The following NALF1 variants were observed in gnomAD, a reference collection of about 807,000 sequenced individuals.
The protein encoded by NALF1 is NALCN channel auxiliary factor 1.
NALF1 carries 3 observed loss-of-function variants against 48.4 expected under a neutral mutation model. That is an observed-to-expected ratio of 0.06 (90% CI 0.03 to 0.16). NALF1 has a LOEUF of 0.16. Ranked by LOEUF, NALF1 falls within the 10% of genes least tolerant of loss-of-function variation. NALF1 has a pLI of 1.00. For missense variants in NALF1, 526 were observed against 571.5 expected (o/e 0.92, Z 0.81); for synonymous variants, 262 against 245.7 (o/e 1.07, Z -0.62).
At chr13:107,769,826 G>A (rs1877527031) in intron 1 of NALF1, among the ~76,000 whole-genome samples, 1 of 152,106 alleles carries the variant, frequency 6.6e-6, no homozygotes, top group African/African-American at 2.4e-5. Flanking sequence ...AAGTATAATG[G>A]GTTACCATCA....
At chr13:107,710,289 C>G (rs1397703218) in intron 1 of NALF1, among the ~76,000 whole-genome samples, 1 of 151,976 alleles carries the variant, frequency 6.6e-6, no homozygotes, top group Admixed American at 6.6e-5. Context: ...CAACAATTGC[C>G]CATTAGATAA....
chr13:107,314,347 T>C (rs1439604939), intron 1 of NALF1, among the ~76,000 whole-genome samples: 3 of 152,144 alleles, frequency 2.0e-5, no homozygotes, highest in African/African-American at 7.2e-5. Context: ...TTCCTTGCCT[T>C]AGGATACTGT....
chr13:107,582,597 A>T (rs548594961), intron 1 of NALF1, among the ~76,000 whole-genome samples: 6 of 152,280 alleles, frequency 3.9e-5, no homozygotes, highest in Admixed American at 3.9e-4. Context: ...TTTAAAGAAG[A>T]TTGTTTCAAC....
intron 1 of NALF1, among the ~76,000 whole-genome samples, chr13:107,510,908 AAAT>A (rs1206137305): frequency 1.3e-5 from 2 of 152,060 alleles, no homozygotes; most frequent in Non-Finnish European, 2.9e-5. Context: ...CTCTCCTTCT[AAAT>A]AAGATTTATT....
At chr13:107,392,744 G>A (rs1294463333) in intron 1 of NALF1, among the ~76,000 whole-genome samples, 17 of 152,178 alleles carry the variant, frequency 1.1e-4, no homozygotes, top group Admixed American at 6.6e-4. Context: ...GGGTCTTTCC[G>A]CCCTCTTACA....
rs78930267 is a variant in NALF1 at position 107,723,437 on chromosome 13, CAT to C, written c.915+142243_915+142244del. Among the ~76,000 whole-genome samples the C allele has an allele frequency of 0.027, 4,080 of 152,192 alleles. 302 individuals carry two copies. The East Asian group carries it at 0.3, about 11-fold the overall frequency. Reference sequence around the variant, plus strand: ...ATCACCCAATTCATACACACACACACATACGGTATACACACACATTTTTATTC... The same window carrying C: ...ATCACCCAATTCATACACACACACACACGGTATACACACACATTTTTATTC... On this transcript the variant is annotated intron_variant, in intron 1 of 2. Coordinates refer to ENST00000375915, the MANE Select transcript of NALF1 (RefSeq NM_001080396.3).
intron 1 of NALF1, among the ~76,000 whole-genome samples, chr13:107,639,932 T>A (rs531287771): frequency 6.6e-6 from 1 of 152,326 alleles, no homozygotes; most frequent in African/African-American, 2.4e-5. Context: ...TATACAAATA[T>A]TTGAGAATTA....
At chr13:107,480,662 C>T (rs1452896028) in intron 1 of NALF1, among the ~76,000 whole-genome samples, 1 of 152,112 alleles carries the variant, frequency 6.6e-6, no homozygotes, top group African/African-American at 2.4e-5. Flanking sequence ...TCAAATCTGT[C>T]CTGGGATACA....
intron 1 of NALF1, among the ~76,000 whole-genome samples, chr13:107,572,079 T>A (rs1033859389): frequency 1.3e-5 from 2 of 152,142 alleles, no homozygotes; most frequent in African/African-American, 4.8e-5. Flanking sequence ...TACACAAAAA[T>A]CTATAATTCA....
chr13:107,410,597 C>T lies in NALF1; in HGVS notation c.916-199842G>A, dbSNP rs186616123. 1.7e-3 allele frequency among the ~76,000 whole-genome samples: 254 copies of T among 152,210 alleles called. No homozygotes were observed. In the Middle Eastern group the frequency reaches 0.017, roughly 10 times the overall value. ...ACACACACATACACACACGACAATG[C>T]TGTTAAAACTCTTGAAAATTTTCCC... is the stretch of plus-strand genomic sequence containing the variant. On this transcript the variant is annotated intron_variant, in intron 1 of 2. Transcript: ENST00000375915.
rs558551532 is a variant in NALF1 at position 107,203,812 on chromosome 13, C to G, written c.1087+6772G>C. 1.7e-3 allele frequency among the ~76,000 whole-genome samples: 257 copies of G among 152,340 alleles called. 1 individual carries two copies. The highest frequency in any genetic ancestry group is 5.8e-3 in the African/African-American group (243 of 41,572). ...ATGCATTTCATTTCTCCTCTTAGAC[C>G]AGGCAAGGTGTAGCAATGAGAAGCA... On this transcript the variant is annotated intron_variant, in intron 2 of 2. Transcript: ENST00000375915.
chr13:107,624,425 A>G (rs1310185701), intron 1 of NALF1, among the ~76,000 whole-genome samples: 1 of 152,174 alleles, frequency 6.6e-6, no homozygotes, highest in Non-Finnish European at 1.5e-5. Flanking sequence ...TTCTTAAGAA[A>G]TCAGAAACTC....
chr13:107,579,015 G>T (rs113223454), intron 1 of NALF1, among the ~76,000 whole-genome samples: 1 of 152,118 alleles, frequency 6.6e-6, no homozygotes, highest in African/African-American at 2.4e-5. Flanking sequence ...AGCCATCATT[G>T]TACTTTGCCT....
intron 2 of NALF1, among the ~76,000 whole-genome samples, chr13:107,204,084 C>CAACG (rs1879583214): frequency 6.7e-6 from 1 of 149,448 alleles, no homozygotes; most frequent in African/African-American, 2.5e-5. Flanking sequence ...CCCTGCTCTC[C>CAACG]AGGTGAGCTG....
At chr13:107,534,871 T>C (rs1051006594) in intron 1 of NALF1, among the ~76,000 whole-genome samples, 1 of 152,094 alleles carries the variant, frequency 6.6e-6, no homozygotes. Flanking sequence ...GTGTGAAGCA[T>C]TTTTTTCTTC....
chr13:107,772,199 G>C (rs1309594253), intron 1 of NALF1, among the ~76,000 whole-genome samples: 1 of 151,996 alleles, frequency 6.6e-6, no homozygotes, highest in Admixed American at 6.6e-5. Context: ...CTCCTACTCT[G>C]TCTACGGAGT....
chr13:107,391,473 T>C (rs1179485465), intron 1 of NALF1, among the ~76,000 whole-genome samples: 1 of 152,172 alleles, frequency 6.6e-6, no homozygotes, highest in African/African-American at 2.4e-5. Context: ...AAAATCCACA[T>C]CCTATAAAGA....
chr13:107,655,936 C>T (rs1490031264), intron 1 of NALF1, among the ~76,000 whole-genome samples: 1 of 151,954 alleles, frequency 6.6e-6, no homozygotes, highest in African/African-American at 2.4e-5. Context: ...ACAAATGGTC[C>T]TCGGATAATT....
intron 1 of NALF1, among the ~76,000 whole-genome samples, chr13:107,799,925 T>C (rs1435452765): frequency 6.6e-6 from 1 of 151,986 alleles, no homozygotes; most frequent in Admixed American, 6.6e-5. Flanking sequence ...AACAGGAATG[T>C]ATGAGGAAGC....
Sources: allele counts gnomAD v4.1 joint callset (sites outside exome capture counted in the v4.1 genomes callset), GRCh38; gene constraint gnomAD v4.1.1; transcripts MANE v1.5; gene names NCBI Gene and HGNC (gene_info 2026-07-23, HGNC 2026-07-21).